The following LAMA3 variants were observed in gnomAD, a reference collection of about 807,000 sequenced individuals.
LAMA3 encodes the protein laminin subunit alpha-3.
A neutral mutation model predicts 402.0 loss-of-function variants in LAMA3; 281 were observed. The observed-to-expected ratio is 0.70, with a 90% CI of 0.63 to 0.77. The LOEUF is 0.77. LAMA3 is among the 30% of genes least tolerant of loss of function. LAMA3 has a pLI of 0.00. For synonymous variants in LAMA3, 1,431 were observed against 1,558.4 expected, an observed-to-expected ratio of 0.92 and a Z score of 1.93; for missense variants, 3,840 against 4,215.5, an observed-to-expected ratio of 0.91 and a Z score of 2.47.
rs147405085 is a variant in LAMA3 at position 23,920,583 on chromosome 18, C to T, written c.7924-352C>T. 2.5e-4 allele frequency among the ~76,000 whole-genome samples: 38 copies of T among 152,252 alleles called. No homozygotes were observed. In the East Asian group the frequency reaches 4.6e-3, roughly 19 times the overall value. ...GGTATCTGAGGTCTGCATAAGACCT[C>T]GCCTCTCTCTAAAAGGCACTCATAT... On this transcript the variant is annotated intron_variant, in intron 60 of 74. Transcript: ENST00000313654.
chr18:23,881,048 C>T (rs912596446), intron 39 of LAMA3, among the ~76,000 whole-genome samples: 3 of 152,194 alleles, frequency 2.0e-5, no homozygotes, highest in African/African-American at 7.2e-5. Flanking sequence ...CAAATGCCCA[C>T]AGCAAGGGGA....
rs561762952 is a variant in LAMA3, at chr18:23,847,465, G to T, written c.3933G>T (p.Pro1311=). The stretch of plus-strand genomic sequence containing the variant: ...GGTATTTCTTTATCCCCTGGCCAGC[G>T]TGCAGCTGTGGTCGGCGCCTTTGTG... The part of the protein sequence containing the change: ...TGHYGFPRCK[P]CSCGRRLCEE... Residue 1311 remains proline, a splice_region_variant and synonymous_variant, in exon 32 of 75, where the codon CCG becomes CCT. Transcript: ENST00000313654. The T allele has an allele frequency of 1.2e-6, 2 of 1,611,524 alleles. No homozygotes were observed. The highest frequency in any genetic ancestry group is 1.1e-5 in the South Asian group (1 of 91,084).
In LAMA3 at chr18:23,882,820, AC is replaced by A. The variant is rs376691930; in HGVS notation, c.5222+777del. ...GCAGTCCCTGTTCTCCTGGGGCTTG[AC>A]CTAGAGTGTGGCAGGGAGGGAGAGA... On this transcript the variant is annotated intron_variant, in intron 40 of 74. Coordinates refer to ENST00000313654, the MANE Select transcript of LAMA3 (RefSeq NM_198129.4). Among the ~76,000 whole-genome samples the A allele has an allele frequency of 2.2e-3, 341 of 152,226 alleles. 2 individuals are homozygous for A. Among genetic ancestry groups the A allele is most frequent in the African/African-American group, 7.9e-3 (326 of 41,520 alleles).
intron 2 of LAMA3, among the ~76,000 whole-genome samples, chr18:23,742,148 C>G (rs2061574333): frequency 1.3e-5 from 2 of 152,140 alleles, no homozygotes; most frequent in Non-Finnish European, 2.9e-5. Context: ...AATGCTCCAT[C>G]TGAGTCAAAT....
In LAMA3 at chr18:23,890,023, A is replaced by G. The variant is rs1463224441; in HGVS notation, c.5316A>G (p.Gly1772=). 5 of 1,613,182 alleles carry G rather than the reference A, an allele frequency of 3.1e-6. No homozygotes were observed. Among genetic ancestry groups the G allele is most frequent in the Admixed American group, 1.7e-5 (1 of 59,990 alleles). ...ATATTTTGTGTAGGTGTGCACCGGGATATTTCGGGAATCCCCAGAAATTCG... is the reference window on the plus strand; with the variant it reads ...ATATTTTGTGTAGGTGTGCACCGGGGTATTTCGGGAATCCCCAGAAATTCG... ...TGTQCERCAP[G]YFGNPQKFGG... Residue 1772 remains glycine, a synonymous_variant, in exon 42 of 75, where the codon GGA becomes GGG. Coordinates refer to ENST00000313654, the MANE Select transcript of LAMA3 (RefSeq NM_198129.4).
At chr18:23,831,663 A>C (rs559214546) in intron 23 of LAMA3, among the ~76,000 whole-genome samples, 1 of 152,262 alleles carries the variant, frequency 6.6e-6, no homozygotes, top group African/African-American at 2.4e-5. Flanking sequence ...GTCTGAGGGT[A>C]TGTCTGTCTT....
Position 23,894,346 on chromosome 18 carries a change from A to G in LAMA3, c.5459A>G (p.Asp1820Gly), listed in dbSNP as rs752011092. The part of the protein sequence containing the change: ...PKDSSPAEEC[D>G]DCDSCVMTLL... ...GATAGCAGCCCTGCAGAAGAATGTG[A>G]TGGTGAGAAAAGAAAGCCCCTCCTC... Residue 1820 changes from aspartate to glycine, a missense_variant and splice_region_variant, in exon 43 of 75, where the codon GAT becomes GGT. This residue lies in a region of LAMA3 where 891 missense variants were observed against 857.5 expected (regional missense o/e 1.04). Coordinates refer to ENST00000313654, the MANE Select transcript of LAMA3 (RefSeq NM_198129.4). 42 of 1,613,134 alleles carry G rather than the reference A, an allele frequency of 2.6e-5. No individual in the cohort carries two copies. The highest frequency in any genetic ancestry group is 3.2e-5 in the Non-Finnish European group (38 of 1,179,084).
intron 6 of LAMA3, among the ~76,000 whole-genome samples, chr18:23,755,025 T>C (rs759538554): frequency 4.4e-4 from 67 of 152,204 alleles, no homozygotes; most frequent in Non-Finnish European, 7.1e-4. Context: ...GGCAGTGCTG[T>C]TGAGAGAGCT....
chr18:23,791,734 T>TAA (rs11348422), intron 12 of LAMA3, among the ~76,000 whole-genome samples: 22 of 89,642 alleles, frequency 2.5e-4, no homozygotes, highest in Admixed American at 1.0e-3. Context: ...AGAATTTGTC[T>TAA]AAAAAAAAAA....
At chr18:23,828,070 A>G (rs2063420248) in intron 23 of LAMA3, among the ~76,000 whole-genome samples, 1 of 152,230 alleles carries the variant, frequency 6.6e-6, no homozygotes, top group Admixed American at 6.5e-5. Flanking sequence ...GCTATAGGAT[A>G]TCAACCATAA....
chr18:23,772,443 T>C (rs1306242247), intron 8 of LAMA3, among the ~76,000 whole-genome samples: 1 of 152,196 alleles, frequency 6.6e-6, no homozygotes, highest in Non-Finnish European at 1.5e-5. Context: ...TAAGAAACAG[T>C]GGCAAACAAC....
In LAMA3 at chr18:23,928,236, G is replaced by A. The variant is rs778236796; in HGVS notation, c.8291G>A (p.Trp2764Ter). ...VGVTKKCSED[W>*]KLVRSASFSR... ...GTAACCAAAAAGTGCTCGGAAGACT[G>A]GAAGGTAAGTGAAAGTTCAGAACCT... Residue 2764 changes from tryptophan to a stop codon, truncating the protein, a stop_gained, in exon 63 of 75, where the codon TGG becomes TAG. Coordinates refer to ENST00000313654, the MANE Select transcript of LAMA3 (RefSeq NM_198129.4). LOFTEE classifies it high-confidence loss of function. 1 of 1,595,338 alleles carries A rather than the reference G, an allele frequency of 6.3e-7. No individual in the cohort carries two copies. Among genetic ancestry groups the A allele is most frequent in the Non-Finnish European group, 8.6e-7 (1 of 1,162,940 alleles).
At chr18:23,884,600 ATCAT>A (rs771394144) in intron 40 of LAMA3, among the ~76,000 whole-genome samples, 169 bp from the exon 41 acceptor site, 6 of 152,180 alleles carry the variant, frequency 3.9e-5, no homozygotes, top group Non-Finnish European at 8.8e-5. Flanking sequence ...GTCGGCTGAG[ATCAT>A]TCATCATTAT....
rs573089853 is a variant in LAMA3, at chr18:23,779,164, C to T, written c.1468+1545C>T. ...GCTGGATGGAGGCCCTCGTCAGCCA[C>T]TAGAGAGGCCTTCTCTTTTACTCAA... On this transcript the variant is annotated intron_variant, in intron 11 of 74. Coordinates refer to ENST00000313654, the MANE Select transcript of LAMA3 (RefSeq NM_198129.4). 7.2e-5 allele frequency among the ~76,000 whole-genome samples: 11 copies of T among 152,246 alleles called. No individual in the cohort carries two copies. In the East Asian group the frequency reaches 2.1e-3, roughly 29 times the overall value.
chr18:23,729,292 A>G (rs554409924), intron 2 of LAMA3, among the ~76,000 whole-genome samples: 21 of 152,204 alleles, frequency 1.4e-4, no homozygotes, highest in African/African-American at 4.3e-4. Flanking sequence ...GCAAATGTAT[A>G]CTTCGTGTAT....
At chr18:23,774,575 T>C (rs1040862527) in intron 9 of LAMA3, among the ~76,000 whole-genome samples, 2 of 152,198 alleles carry the variant, frequency 1.3e-5, no homozygotes, top group Non-Finnish European at 2.9e-5. Flanking sequence ...TAGTTTTTCC[T>C]TGTAGAATTA....
At chr18:23,937,131 C>T (rs976362740) in intron 67 of LAMA3, among the ~76,000 whole-genome samples, 2 of 151,794 alleles carry the variant, frequency 1.3e-5, no homozygotes. Flanking sequence ...TTTGGGAGGC[C>T]AAGGCAGGCA....
In LAMA3 at chr18:23,954,950, CT is replaced by C; in HGVS notation, c.*306del. 2.8e-6 allele frequency: 1 copy of C among 354,128 alleles called. No homozygotes were observed. The highest frequency in any genetic ancestry group is 5.2e-6 in the Non-Finnish European group (1 of 190,676). The allele number at this position is 354,128 out of a possible 1,614,324, so 21.9% of individuals were successfully genotyped here. A position where few individuals can be genotyped will look rare whatever the true frequency, so the allele number is the denominator to read the frequency against. Reference sequence around the variant, plus strand: ...AATTAAATGTCTTTTAAGAAACATTCTTTTCCACTTGTTAAAAAAATTAAAT... The same window carrying C: ...AATTAAATGTCTTTTAAGAAACATTCTTTCCACTTGTTAAAAAAATTAAAT... On this transcript the variant is annotated 3_prime_UTR_variant, in exon 75 of 75. Coordinates refer to ENST00000313654, the MANE Select transcript of LAMA3 (RefSeq NM_198129.4).
intron 1 of LAMA3, among the ~76,000 whole-genome samples, chr18:23,705,512 C>T (rs1216563072): frequency 6.6e-6 from 1 of 151,672 alleles, no homozygotes; most frequent in East Asian, 1.9e-4. Context: ...TACACATACA[C>T]ACATATGCAC....
Sources: gnomAD v4.1 joint callset for allele counts (sites outside exome capture counted in the v4.1 genomes callset) on GRCh38, gnomAD v4.1.1 for gene constraint, gnomAD v4.1.1 regional missense constraint, MANE v1.5 for transcripts, NCBI Gene and HGNC (gene_info 2026-07-23, HGNC 2026-07-21) for gene names.